The following VPS13A variants were observed in gnomAD, a reference collection of about 807,000 sequenced individuals.
VPS13A encodes vacuolar protein sorting 13 homolog A.
A neutral mutation model predicts 390.9 loss-of-function variants in VPS13A; 264 were observed. That is an observed-to-expected ratio of 0.68 (90% CI 0.61 to 0.75). The LOEUF is 0.75. VPS13A is among the 30% of genes least tolerant of loss of function. The pLI, the probability that VPS13A is intolerant of heterozygous loss-of-function variation, is 0.00. For synonymous variants in VPS13A, 1,231 were observed against 1,227.1 expected (o/e 1.00, Z -0.07); for missense variants, 3,409 against 3,733.9 (o/e 0.91, Z 2.27).
At chr9:77,308,167 C>T (rs1283306902) in intron 35 of VPS13A, 69 bp downstream of exon 35, 3 of 1,520,178 alleles carry the variant, frequency 2.0e-6, no homozygotes, top group Admixed American at 1.7e-5. Flanking sequence ...CTTCTTCCCT[C>T]CCCTTCCTTC....
chr9:77,183,435 A>G (rs73651495), intron 1 of VPS13A, among the ~76,000 whole-genome samples: 2,148 of 152,220 alleles, frequency 0.014, 49 homozygotes, highest in African/African-American at 0.049. Context: ...CTGTTACTGC[A>G]TATTAGCTTG....
At chr9:77,384,577 G>A (rs2131618905) in intron 68 of VPS13A, 2 of 1,611,298 alleles carry the variant, frequency 1.2e-6, no homozygotes, top group East Asian at 2.2e-5. Flanking sequence ...CCTTTGCCAT[G>A]CTTACAGAAA....
intron 60 of VPS13A, among the ~76,000 whole-genome samples, chr9:77,366,040 A>G (rs1832408983): frequency 6.6e-6 from 1 of 152,098 alleles, no homozygotes; most frequent in South Asian, 2.1e-4. Flanking sequence ...GTGTTTTTTA[A>G]CTGGCTATTA....
chr9:77,307,570 C>T (rs1226495483), intron 34 of VPS13A, among the ~76,000 whole-genome samples: 1 of 152,030 alleles, frequency 6.6e-6, no homozygotes, highest in African/African-American at 2.4e-5. Flanking sequence ...TTTTGGTAAA[C>T]CAAATGTATC....
In VPS13A at chr9:77,177,776, G is replaced by A. The variant is rs745449298; in HGVS notation, c.72G>A (p.Thr24=). ...FLGDYVVDLD[T]SQLSLGIWKG... is the part of the protein sequence containing the mutation. ...GGGACTATGTGGTGGACTTGGACAC[G>A]TCCCAGCTCTCTCTGGGCATCTGGA... Residue 24 remains threonine (T), a synonymous_variant, in exon 1 of 72, where the codon ACG becomes ACA. Coordinates refer to ENST00000360280, the MANE Select transcript of VPS13A (RefSeq NM_033305.3). The A allele has an allele frequency of 4.3e-6, 7 of 1,613,408 alleles. No homozygotes were observed. The Admixed American group carries it at 5.0e-5, about 12-fold the overall frequency.
chr9:77,273,099 A>G lies in VPS13A; in HGVS notation c.2428-181A>G, dbSNP rs72744218. 0.076 allele frequency among the ~76,000 whole-genome samples: 11,647 copies of G among 152,312 alleles called. 509 individuals carry two copies. Among genetic ancestry groups the G allele is most frequent in the South Asian group, 0.13 (638 of 4,832 alleles). On this transcript the variant is annotated intron_variant, in intron 23 of 71. Transcript: ENST00000360280. Reference sequence around the variant, plus strand: ...TATTTAGCCTTAAAATTGTAAAACTACTTCTTTAAAATCTGCGTTTTATAA... The same window carrying G: ...TATTTAGCCTTAAAATTGTAAAACTGCTTCTTTAAAATCTGCGTTTTATAA...
At chr9:77,393,323 T>C (rs1432034706) in intron 68 of VPS13A, among the ~76,000 whole-genome samples, 1 of 152,232 alleles carries the variant, frequency 6.6e-6, no homozygotes, top group East Asian at 1.9e-4. Context: ...TCCGCTGAAG[T>C]CTTGAACCCT....
At chr9:77,227,571 G>A in intron 16 of VPS13A, 86 bp downstream of exon 16, 2 of 1,038,882 alleles carry the variant, frequency 1.9e-6, no homozygotes, top group Non-Finnish European at 2.9e-6. Context: ...TGCCCAGGCT[G>A]GACTGCAGTG....
chr9:77,376,332 A>G (rs1297712369), intron 67 of VPS13A, among the ~76,000 whole-genome samples: 1 of 152,180 alleles, frequency 6.6e-6, no homozygotes, highest in Admixed American at 6.5e-5. Context: ...ATGAGAGGCC[A>G]TTGAAAGGTT....
At chr9:77,395,108 C>T (rs1587714799) in intron 68 of VPS13A, among the ~76,000 whole-genome samples, 1 of 152,260 alleles carries the variant, frequency 6.6e-6, no homozygotes, top group Non-Finnish European at 1.5e-5. Context: ...CTGTTTGGTA[C>T]AAGAGGTACT....
chr9:77,295,432 T>C (rs1827926357), intron 32 of VPS13A, 110 bp from the exon 33 acceptor site: 1 of 902,864 alleles, frequency 1.1e-6, no homozygotes, highest in Admixed American at 3.3e-5. Flanking sequence ...TGCTTGGTTG[T>C]ATCAAGTAAA....
chr9:77,315,278 G>C lies in VPS13A; in HGVS notation c.4438G>C (p.Asp1480His). 1.2e-6 allele frequency: 2 copies of C among 1,613,840 alleles called. No individual in the cohort carries two copies. The highest frequency in any genetic ancestry group is 1.7e-6 in the Non-Finnish European group (2 of 1,179,774). ...AATGATAGGACTGACAGTTGGTTTT[G>C]ACAAAAAAGACATGATGGATATAAA... Reference protein sequence around the residue: ...PRMIGLTVGFDKKDMMDIKYR... With the variant: ...PRMIGLTVGFHKKDMMDIKYR... Residue 1480 changes from aspartate (D) to histidine (H), a missense_variant, in exon 38 of 72, where the codon GAC (aspartate) becomes CAC (histidine). Transcript: ENST00000360280.
chr9:77,225,691 A>G (rs1015490522), intron 13 of VPS13A, among the ~76,000 whole-genome samples: 1 of 152,206 alleles, frequency 6.6e-6, no homozygotes, highest in Non-Finnish European at 1.5e-5. Flanking sequence ...TTTATGCAGA[A>G]TATGTATTAT....
chr9:77,321,098 G>A (rs1829716078), intron 42 of VPS13A, 71 bp from the exon 43 acceptor site: 2 of 1,345,036 alleles, frequency 1.5e-6, no homozygotes, highest in Non-Finnish European at 2.1e-6. Context: ...TCTAATGTTG[G>A]TATTGGGATT....
intron 67 of VPS13A, among the ~76,000 whole-genome samples, chr9:77,372,256 A>G (rs1587680303): frequency 6.6e-6 from 1 of 151,762 alleles, no homozygotes; most frequent in Admixed American, 6.6e-5. Context: ...GAACTAGTTT[A>G]CAGTCCCACC....
At position 77,244,833 on chromosome 9, in the gene VPS13A, AG is replaced by A. The variant is rs1824711145; in HGVS notation, c.1901-2425del. 1.2e-4 allele frequency among the ~76,000 whole-genome samples: 19 copies of A among 152,264 alleles called. No individual in the cohort carries two copies. In the South Asian group the frequency reaches 3.9e-3, roughly 32 times the overall value. The stretch of plus-strand genomic sequence containing the variant: ...TGAGAATGGATAGATGCCCCAATTT[AG>A]TCTTGGTGGTAGTGTCAGAGAAGAT... On this transcript the variant is annotated intron_variant, in intron 19 of 71. Coordinates refer to ENST00000360280, the MANE Select transcript of VPS13A (RefSeq NM_033305.3).
intron 39 of VPS13A, among the ~76,000 whole-genome samples, chr9:77,317,346 A>C (rs1230958212): frequency 1.3e-5 from 2 of 151,908 alleles, no homozygotes; most frequent in Non-Finnish European, 2.9e-5. Flanking sequence ...TTACTTCAGT[A>C]AAGGTTGGAG....
chr9:77,316,488 A>G lies in VPS13A; in HGVS notation c.4863+82A>G, dbSNP rs1306880453. The G allele has an allele frequency of 5.2e-6, 6 of 1,158,032 alleles. No individual in the cohort carries two copies. The African/African-American group carries it at 9.2e-5, about 18-fold the overall frequency. The allele number at this position is 1,158,032 out of a possible 1,614,324, so 71.7% of individuals were successfully genotyped here. ...CCATTTTAGGAAACAAAAACTACCTACATGCTTTCCAACCTTGCTCTGTAA... is the reference window on the plus strand; with the variant it reads ...CCATTTTAGGAAACAAAAACTACCTGCATGCTTTCCAACCTTGCTCTGTAA... On this transcript the variant is annotated intron_variant, in intron 39 of 71. Coordinates refer to ENST00000360280, the MANE Select transcript of VPS13A (RefSeq NM_033305.3).
intron 33 of VPS13A, among the ~76,000 whole-genome samples, chr9:77,296,586 T>G (rs1402213891): frequency 6.6e-6 from 1 of 152,174 alleles, no homozygotes; most frequent in Non-Finnish European, 1.5e-5. Flanking sequence ...GAGTCTGTCT[T>G]TCCCTCCTGT....
Sources: allele counts gnomAD v4.1 joint callset (sites outside exome capture counted in the v4.1 genomes callset), GRCh38; gene constraint gnomAD v4.1.1; transcripts MANE v1.5; gene names NCBI Gene and HGNC (gene_info 2026-07-23, HGNC 2026-07-21).